Variants in CXADR observed in about 807,000 individuals in gnomAD.
CXADR encodes the protein coxsackievirus and adenovirus receptor.
Under a neutral mutation model 40.3 loss-of-function variants are expected in CXADR, and 20 were observed. That is an observed-to-expected ratio of 0.50 (90% confidence interval 0.35 to 0.72). CXADR has a LOEUF of 0.72. Among genes scored for constraint, CXADR ranks in the 30% least tolerant of loss-of-function variants. The probability of loss-of-function intolerance (pLI) is 0.01; values close to 1 mark genes in which losing one functional copy is unlikely to be tolerated. For missense variants in CXADR, 332 were observed against 449.1 expected (o/e 0.74, Z 2.36); for synonymous variants, 150 against 161.3 (o/e 0.93, Z 0.53).
At chr21:17,631,597 A>G in the CXADR span, among the ~76,000 whole-genome samples, 1 of 152,244 alleles carries the variant, frequency 6.6e-6, no homozygotes, top group South Asian at 2.1e-4. Context: ...TTTAGTAATC[A>G]GTGCCAACTC....
the CXADR span, among the ~76,000 whole-genome samples, chr21:17,619,978 G>A: frequency 2.0e-5 from 3 of 152,076 alleles, no homozygotes; most frequent in Admixed American, 6.6e-5. Flanking sequence ...TTGGCATAAG[G>A]GAATGTTGTG....
the CXADR span, among the ~76,000 whole-genome samples, chr21:17,602,033 G>C: frequency 2.0e-5 from 3 of 151,846 alleles, no homozygotes; most frequent in African/African-American, 7.3e-5. Flanking sequence ...TAGACACCTG[G>C]ACAACTTTTA....
At chr21:17,588,559 A>T (rs1232909937) in intron 7 of CXADR, among the ~76,000 whole-genome samples, 1 of 151,864 alleles carries the variant, frequency 6.6e-6, no homozygotes, top group Non-Finnish European at 1.5e-5. Flanking sequence ...GTATAAGAAT[A>T]CCTATTAATT....
At chr21:17,631,641 T>C in the CXADR span, among the ~76,000 whole-genome samples, 2 of 152,230 alleles carry the variant, frequency 1.3e-5, no homozygotes, top group African/African-American at 2.4e-5. Flanking sequence ...ATATTCGTTC[T>C]CTTAGAGACC....
At chr21:17,602,158 CA>C in the CXADR span, among the ~76,000 whole-genome samples, 368 of 139,538 alleles carry the variant, frequency 2.6e-3, no homozygotes, top group South Asian at 4.8e-3. Context: ...CAGAAATCAC[CA>C]AAAAAAAAAA....
chr21:17,580,194 T>C (rs1301922014), intron 7 of CXADR, among the ~76,000 whole-genome samples: 2 of 152,212 alleles, frequency 1.3e-5, no homozygotes, highest in Admixed American at 1.3e-4. Flanking sequence ...TATTAATTTA[T>C]TAAACAGCCT....
chr21:17,628,804 A>G, the CXADR span, among the ~76,000 whole-genome samples: 3 of 152,142 alleles, frequency 2.0e-5, no homozygotes, highest in African/African-American at 7.2e-5. Context: ...TGCCCGGCCA[A>G]TGTCCCAGTT....
chr21:17,611,596 A>T, the CXADR span: 4 of 152,460 alleles, frequency 2.6e-5, no homozygotes, highest in African/African-American at 9.6e-5. Flanking sequence ...AAGAACCACC[A>T]GAGGCAAGCA....
Position 17,568,326 on chromosome 21 carries a change from C to A in CXADR, c.*2634C>A, listed in dbSNP as rs963649806. On this transcript the variant is annotated 3_prime_UTR_variant, in exon 7 of 7. Transcript: ENST00000284878. Reference sequence around the variant, plus strand: ...TGTAATTTTAGTAGAGACAGGGTTTCACCGTGTTAGCCAGGATGGTCTCGA... The same window carrying A: ...TGTAATTTTAGTAGAGACAGGGTTTAACCGTGTTAGCCAGGATGGTCTCGA... The A allele has an allele frequency of 2.5e-6, 2 of 805,186 alleles. No homozygotes were observed. Among genetic ancestry groups the A allele is most frequent in the Non-Finnish European group, 1.5e-6 (1 of 666,232 alleles). 49.9% of individuals were successfully genotyped at this position (805,186 alleles called of 1,614,324 possible). A position where few individuals can be genotyped will look rare whatever the true frequency, so the allele number is the denominator to read the frequency against.
chr21:17,606,187 A>T, the CXADR span, among the ~76,000 whole-genome samples: 2 of 152,160 alleles, frequency 1.3e-5, no homozygotes, highest in Non-Finnish European at 2.9e-5. Flanking sequence ...TCTCATGATC[A>T]TCCTGTGAGT....
chr21:17,568,560 T>G lies in CXADR; in HGVS notation c.*2868T>G. On this transcript the variant is annotated 3_prime_UTR_variant, in exon 7 of 7. Coordinates refer to ENST00000284878, the MANE Select transcript of CXADR (RefSeq NM_001338.5). ...CTGTAGAATATATAGTTCTGTACTT[T>G]TTTTTTTTTTTTTTAAGAGATAGGG... The G allele has an allele frequency of 1.3e-6, 1 of 759,292 alleles. No individual in the cohort carries two copies. The highest frequency in any genetic ancestry group is 1.6e-6 in the Non-Finnish European group (1 of 622,066). 47.0% of individuals were successfully genotyped at this position (759,292 alleles called of 1,614,324 possible).
chr21:17,587,577 C>T (rs1329993975), intron 7 of CXADR, among the ~76,000 whole-genome samples: 2 of 152,056 alleles, frequency 1.3e-5, no homozygotes, highest in Non-Finnish European at 2.9e-5. Flanking sequence ...ACCCACTTTT[C>T]GATGGGGTTG....
Position 17,547,182 on chromosome 21 carries a change from G to A in CXADR, c.199G>A (p.Val67Met), listed in dbSNP as rs1386670039. The change falls in exon 2 of 7, where the codon GTG becomes ATG. Residue 67 changes from valine to methionine, a missense_variant. Physicochemically the swap from Val to Met is conservative, Grantham distance 21. Transcript: ENST00000284878. The stretch of plus-strand genomic sequence containing the variant: ...GATATCACCAGCTGATAATCAGAAG[G>A]TGGATCAAGTGGTAAGTTTGATATG... ...WLISPADNQK[V>M]DQVIILYSGD... 1.2e-6 allele frequency: 2 copies of A among 1,614,192 alleles called. No individual in the cohort carries two copies. Among genetic ancestry groups the A allele is most frequent in the Non-Finnish European group, 8.5e-7 (1 of 1,180,034 alleles).
chr21:17,559,691 T>TTTTTTTTTTTTTC (rs67471532), intron 4 of CXADR, among the ~76,000 whole-genome samples: 1 of 128,432 alleles, frequency 7.8e-6, no homozygotes, highest in Non-Finnish European at 1.6e-5. Context: ...TTTTTTTTTT[T>TTTTTTTTTTTTTC]CCGAGACAAG....
the CXADR span, among the ~76,000 whole-genome samples, chr21:17,616,567 C>A: frequency 4.6e-5 from 7 of 151,950 alleles, no homozygotes; most frequent in African/African-American, 1.7e-4. Flanking sequence ...GATCTCCTGA[C>A]CTCATGATCT....
intron 1 of CXADR, among the ~76,000 whole-genome samples, chr21:17,542,636 A>G (rs1267080380): frequency 6.6e-6 from 1 of 152,210 alleles, no homozygotes; most frequent in Non-Finnish European, 1.5e-5. Context: ...ACATAATATG[A>G]TCTAGTGCTG....
chr21:17,603,542 G>A, the CXADR span, among the ~76,000 whole-genome samples: 8 of 152,142 alleles, frequency 5.3e-5, no homozygotes, highest in Non-Finnish European at 8.8e-5. Flanking sequence ...CTGGAATCAG[G>A]TCAGTCTGCG....
At position 17,568,385 on chromosome 21, in the gene CXADR, C is replaced by A; in HGVS notation, c.*2693C>A. ...CCTCGTGATCTGCCTGCCTCGGCCTCCCAAAGTGCTGGGATTACAGGCGTG... is the reference window on the plus strand; with the variant it reads ...CCTCGTGATCTGCCTGCCTCGGCCTACCAAAGTGCTGGGATTACAGGCGTG... On this transcript the variant is annotated 3_prime_UTR_variant, in exon 7 of 7. Coordinates refer to ENST00000284878, the MANE Select transcript of CXADR (RefSeq NM_001338.5). The A allele has an allele frequency of 1.0e-6, 1 of 965,400 alleles. No individual in the cohort carries two copies. The highest frequency in any genetic ancestry group is 1.2e-6 in the Non-Finnish European group (1 of 812,074). 59.8% of individuals were successfully genotyped at this position (965,400 alleles called of 1,614,324 possible). A position where few individuals can be genotyped will look rare whatever the true frequency, so the allele number is the denominator to read the frequency against.
chr21:17,605,605 C>T, the CXADR span, among the ~76,000 whole-genome samples: 2 of 152,006 alleles, frequency 1.3e-5, no homozygotes, highest in African/African-American at 4.8e-5. Flanking sequence ...TTCTATTTAC[C>T]CAAGCACTTT....
Sources: allele counts gnomAD v4.1 joint callset (sites outside exome capture counted in the v4.1 genomes callset), GRCh38; gene constraint gnomAD v4.1.1; transcripts MANE v1.5; gene names NCBI Gene and HGNC (gene_info 2026-07-23, HGNC 2026-07-21).